The following RPS6KC1 variants were observed in gnomAD, a reference collection of about 807,000 sequenced individuals.
RPS6KC1 encodes the protein inactive ribosomal protein S6 kinase delta-1.
RPS6KC1 carries 54 observed loss-of-function variants against 103.8 expected under a neutral mutation model. The observed-to-expected ratio is 0.52, with a 90% CI of 0.42 to 0.65. The LOEUF is 0.65. Among genes scored for constraint, RPS6KC1 ranks in the 30% least tolerant of loss-of-function variants. The pLI is 0.00. For synonymous variants in RPS6KC1, 439 were observed against 438.7 expected (o/e 1.00, Z -0.01); for missense variants, 1,151 against 1,253.8 (o/e 0.92, Z 1.24).
chr1:213,511,203 G>C, the RPS6KC1 span, among the ~76,000 whole-genome samples: 2 of 151,096 alleles, frequency 1.3e-5, no homozygotes, highest in African/African-American at 2.4e-5. Context: ...TTAGAAATAG[G>C]AATGGCTCAC....
At chr1:213,337,800 A>G in the RPS6KC1 span, among the ~76,000 whole-genome samples, 2 of 152,214 alleles carry the variant, frequency 1.3e-5, no homozygotes, top group African/African-American at 4.8e-5. Context: ...TCCACACAAA[A>G]TGGGCCAAGT....
At chr1:213,584,801 T>A in the RPS6KC1 span, among the ~76,000 whole-genome samples, 2 of 152,208 alleles carry the variant, frequency 1.3e-5, no homozygotes, top group East Asian at 3.8e-4. Context: ...CATGTGTTAA[T>A]ATGGAGCTTG....
intron 14 of RPS6KC1, among the ~76,000 whole-genome samples, chr1:213,271,362 A>G (rs1350256673): frequency 3.3e-5 from 5 of 152,210 alleles, no homozygotes; most frequent in South Asian, 2.1e-4. Flanking sequence ...TGAAATGTTC[A>G]GAAAGGGCAA....
chr1:213,099,886 A>G (rs1458484318), intron 3 of RPS6KC1, among the ~76,000 whole-genome samples: 2 of 152,180 alleles, frequency 1.3e-5, no homozygotes, highest in East Asian at 1.9e-4. Flanking sequence ...TGTTCTATCA[A>G]TGGGCACCTG....
the RPS6KC1 span, among the ~76,000 whole-genome samples, chr1:213,287,337 T>C: frequency 6.6e-6 from 1 of 151,938 alleles, no homozygotes; most frequent in Non-Finnish European, 1.5e-5. Context: ...TTACCAGACG[T>C]CATTTCTACA....
chr1:213,545,325 C>T, the RPS6KC1 span, among the ~76,000 whole-genome samples: 5 of 151,134 alleles, frequency 3.3e-5, no homozygotes, highest in African/African-American at 7.3e-5. Flanking sequence ...GAGCTGAGAT[C>T]GGGCCACTGC....
chr1:213,672,212 A>G, the RPS6KC1 span, among the ~76,000 whole-genome samples: 1 of 152,106 alleles, frequency 6.6e-6, no homozygotes, highest in African/African-American at 2.4e-5. Flanking sequence ...CATACTCAAC[A>G]CATCCTCTCC....
At chr1:213,351,280 A>T in the RPS6KC1 span, among the ~76,000 whole-genome samples, 3 of 152,246 alleles carry the variant, frequency 2.0e-5, no homozygotes, top group Admixed American at 1.3e-4. Context: ...CAGCATGAAA[A>T]GCTAACTGCT....
chr1:213,353,393 T>C, the RPS6KC1 span, among the ~76,000 whole-genome samples: 1 of 152,238 alleles, frequency 6.6e-6, no homozygotes, highest in African/African-American at 2.4e-5. Flanking sequence ...ACTACTGGTA[T>C]TATCATTCTA....
chr1:213,469,615 T>C, the RPS6KC1 span, among the ~76,000 whole-genome samples: 3 of 152,186 alleles, frequency 2.0e-5, no homozygotes, highest in African/African-American at 7.2e-5. Context: ...GGCTCCTCGC[T>C]AGCCTTTCCC....
chr1:213,410,192 G>T, the RPS6KC1 span, among the ~76,000 whole-genome samples: 1 of 152,158 alleles, frequency 6.6e-6, no homozygotes, highest in Admixed American at 6.5e-5. Flanking sequence ...AGCATGTTTA[G>T]GATGCATACC....
At chr1:213,263,004 G>A (rs1157008509) in intron 14 of RPS6KC1, among the ~76,000 whole-genome samples, 188 bp downstream of exon 14, 1 of 152,146 alleles carries the variant, frequency 6.6e-6, no homozygotes, top group Admixed American at 6.5e-5. Flanking sequence ...TGGGGTCAGA[G>A]AGTATAGTTA....
chr1:213,746,250 A>G, the RPS6KC1 span, among the ~76,000 whole-genome samples: 2 of 152,346 alleles, frequency 1.3e-5, no homozygotes, highest in East Asian at 3.9e-4. Flanking sequence ...AATGCTCTAC[A>G]ACTTGTCAGA....
At position 213,075,369 on chromosome 1, in the gene RPS6KC1, A is replaced by G. The variant is rs192848746; in HGVS notation, c.142-2327A>G. Among the ~76,000 whole-genome samples, 9 of 152,340 alleles carry G rather than the reference A, an allele frequency of 5.9e-5. No homozygotes were observed. In the South Asian group the frequency reaches 6.2e-4, roughly 11 times the overall value. ...GTAATTTGATATATTTTTAAAATATAAAAATAACAATTTTTTGTTCCCATC... is the reference window on the plus strand; with the variant it reads ...GTAATTTGATATATTTTTAAAATATGAAAATAACAATTTTTTGTTCCCATC... On this transcript the variant is annotated intron_variant, in intron 2 of 14. Transcript: ENST00000366960.
the RPS6KC1 span, among the ~76,000 whole-genome samples, chr1:213,439,247 C>T: frequency 1.3e-5 from 2 of 152,180 alleles, no homozygotes; most frequent in African/African-American, 4.8e-5. Context: ...CACAGAAAGT[C>T]TAGCTCACTT....
intron 8 of RPS6KC1, among the ~76,000 whole-genome samples, chr1:213,189,601 T>C (rs1335485755): frequency 1.3e-5 from 2 of 152,172 alleles, no homozygotes; most frequent in South Asian, 2.1e-4. Flanking sequence ...AATAATCATA[T>C]CAAGGGAGAT....
At chr1:213,104,355 T>C (rs2082276514) in intron 3 of RPS6KC1, 99 bp from the exon 4 acceptor site, 2 of 695,418 alleles carry the variant, frequency 2.9e-6, no homozygotes, top group African/African-American at 1.8e-5. Flanking sequence ...AGCAACTAAG[T>C]GATAGGCCTG....
At chr1:213,519,465 G>A in the RPS6KC1 span, among the ~76,000 whole-genome samples, 41 of 152,304 alleles carry the variant, frequency 2.7e-4, 1 homozygote, top group Middle Eastern at 3.4e-3. Flanking sequence ...CAGAATGAGT[G>A]CGTAGATGTT....
intron 7 of RPS6KC1, among the ~76,000 whole-genome samples, chr1:213,172,720 C>T (rs770439058): frequency 1.3e-5 from 2 of 152,164 alleles, no homozygotes; most frequent in Non-Finnish European, 2.9e-5. Flanking sequence ...AGATGCCTGC[C>T]GTGGACTTGA....
Sources: allele counts gnomAD v4.1 joint callset (sites outside exome capture counted in the v4.1 genomes callset), GRCh38; gene constraint gnomAD v4.1.1; transcripts MANE v1.5; gene names NCBI Gene and HGNC (gene_info 2026-07-23, HGNC 2026-07-21).